Variants in EDRF1 observed in about 807,000 individuals in gnomAD.
EDRF1 encodes erythroid differentiation regulatory factor 1.
A neutral mutation model predicts 148.7 loss-of-function variants in EDRF1; 69 were observed. The observed-to-expected ratio is 0.46, with a 90% confidence interval of 0.38 to 0.57. The LOEUF is 0.57. Among genes scored for constraint, EDRF1 ranks in the 20% least tolerant of loss-of-function variants. EDRF1 has a pLI of 0.00. For synonymous variants in EDRF1, 515 were observed against 532.8 expected (o/e 0.97, Z 0.46); for missense variants, 1,118 against 1,478.7 (o/e 0.76, Z 4.00).
Position 125,740,436 on chromosome 10 carries a change from G to T in EDRF1, c.1982-27G>T, listed in dbSNP as rs115991337. The T allele has an allele frequency of 7.1e-4, 1,148 of 1,610,268 alleles. 10 individuals are homozygous for T. The African/African-American group carries it at 0.014, about 20-fold the overall frequency. On this transcript the variant is annotated intron_variant, in intron 15 of 24. Coordinates refer to ENST00000356792, the MANE Select transcript of EDRF1 (RefSeq NM_001202438.2). Reference sequence around the variant, plus strand: ...GACTTACAGTCAAATGAAATGTGCTGTCTTTTTTTTTCTCTCCATGTCACA... The same window carrying T: ...GACTTACAGTCAAATGAAATGTGCTTTCTTTTTTTTTCTCTCCATGTCACA...
intron 21 of EDRF1, 164 bp from the exon 22 acceptor site, chr10:125,749,248 A>T (rs1849525614): frequency 5.0e-6 from 1 of 198,150 alleles, no homozygotes; most frequent in East Asian, 1.4e-4. Context: ...ACCCTGTCTC[A>T]AAAAAAAAAA....
chr10:125,729,771 A>G (rs940997888), intron 8 of EDRF1, among the ~76,000 whole-genome samples: 2 of 152,354 alleles, frequency 1.3e-5, no homozygotes, highest in African/African-American at 4.8e-5. Context: ...CTGAGTCTTC[A>G]TTCTAGACCT....
intron 6 of EDRF1, 127 bp downstream of exon 6, chr10:125,725,965 A>G (rs1467946513): frequency 3.8e-6 from 4 of 1,059,864 alleles, no homozygotes; most frequent in African/African-American, 1.6e-5. Context: ...AATGGGGGAA[A>G]AAAGACTTCT....
intron 15 of EDRF1, among the ~76,000 whole-genome samples, chr10:125,739,029 G>A (rs750041656): frequency 2.6e-5 from 4 of 151,992 alleles, no homozygotes; most frequent in African/African-American, 7.2e-5. Flanking sequence ...TATGGACTTC[G>A]AAGCAGAAGT....
intron 24 of EDRF1, chr10:125,756,754 T>C: frequency 2.6e-6 from 1 of 386,206 alleles, no homozygotes; most frequent in Non-Finnish European, 4.9e-6. Flanking sequence ...TATATTAAAA[T>C]TGGGTTTCCT....
At chr10:125,761,295 A>G in intron 24 of EDRF1, 1 of 332,840 alleles carries the variant, frequency 3.0e-6, no homozygotes, top group Non-Finnish European at 6.0e-6. Context: ...TTCTAGCAGT[A>G]GCAGTTTGTT....
intron 24 of EDRF1, 151 bp downstream of exon 24, chr10:125,753,996 A>G (rs1367326346): frequency 6.3e-6 from 5 of 799,564 alleles, no homozygotes; most frequent in Non-Finnish European, 8.0e-6. Flanking sequence ...CAGGCAGATC[A>G]CTTGAGTTCA....
At chr10:125,720,033 C>G in intron 1 of EDRF1, 118 bp downstream of exon 1, 4 of 863,854 alleles carry the variant, frequency 4.6e-6, no homozygotes, top group Middle Eastern at 2.3e-4. Flanking sequence ...TTCCCTGACA[C>G]CCCCAAAACA....
chr10:125,730,835 G>A (rs1316936311), intron 9 of EDRF1, among the ~76,000 whole-genome samples: 1 of 152,126 alleles, frequency 6.6e-6, no homozygotes, highest in Non-Finnish European at 1.5e-5. Flanking sequence ...TAGAAGACAC[G>A]TATCCCCATT....
At position 125,725,778 on chromosome 10, in the gene EDRF1, A is replaced by T. The variant is rs775544714; in HGVS notation, c.732A>T (p.Ser244=). The change falls in exon 6 of 25, where the codon TCA becomes TCT. Residue 244 remains serine, a synonymous_variant. Transcript: ENST00000356792. The stretch of plus-strand genomic sequence containing the variant: ...AGACAAATGATTCGGAAGGGGCTTC[A>T]TGGCCTGCTCCCTTCGAAATGCCTT... ...SDQTNDSEGA[S]WPAPFEMPSS... 10 of 1,613,986 alleles carry T rather than the reference A, an allele frequency of 6.2e-6. No homozygotes were observed. The African/African-American group carries it at 1.2e-4, about 19-fold the overall frequency.
chr10:125,743,353 GA>G (rs966786621), intron 18 of EDRF1, 77 bp downstream of exon 18: 1 of 1,202,992 alleles, frequency 8.3e-7, no homozygotes, highest in African/African-American at 1.5e-5. Flanking sequence ...GTCAAGCAAA[GA>G]ACTGTGGCAC....
chr10:125,733,819 A>G, intron 11 of EDRF1, 76 bp downstream of exon 11: 1 of 1,370,990 alleles, frequency 7.3e-7, no homozygotes, highest in Non-Finnish European at 1.0e-6. Context: ...ACAGTTTCCA[A>G]ACCAAGGCTT....
intron 24 of EDRF1, among the ~76,000 whole-genome samples, chr10:125,758,964 C>T (rs1301490477): frequency 6.6e-6 from 1 of 152,084 alleles, no homozygotes; most frequent in South Asian, 2.1e-4. Context: ...TAACCAACGC[C>T]CTAAGGTTGG....
chr10:125,736,079 G>A (rs1458203976), intron 13 of EDRF1, among the ~76,000 whole-genome samples, 175 bp downstream of exon 13: 1 of 152,138 alleles, frequency 6.6e-6, no homozygotes, highest in Non-Finnish European at 1.5e-5. Context: ...GAGGGTAACT[G>A]ACCCACATTA....
At chr10:125,743,852 G>A (rs769949460) in intron 18 of EDRF1, among the ~76,000 whole-genome samples, 1 of 152,162 alleles carries the variant, frequency 6.6e-6, no homozygotes, top group Non-Finnish European at 1.5e-5. Context: ...TTTAGAGGGA[G>A]CAAGAGGCCT....
chr10:125,727,891 A>G (rs552979710), intron 6 of EDRF1, among the ~76,000 whole-genome samples: 1 of 152,154 alleles, frequency 6.6e-6, no homozygotes, highest in Non-Finnish European at 1.5e-5. Flanking sequence ...AAGAGGGCCC[A>G]AGTGTATTCC....
intron 12 of EDRF1, among the ~76,000 whole-genome samples, chr10:125,734,802 T>C (rs1386112451): frequency 5.3e-5 from 8 of 152,304 alleles, no homozygotes; most frequent in East Asian, 1.9e-4. Flanking sequence ...GGTTGTCTGA[T>C]TGACAACTTT....
In EDRF1 at chr10:125,753,439, A is replaced by G. The variant is rs112468176; in HGVS notation, c.3394-255A>G. Reference sequence around the variant, plus strand: ...CCTGCTTGGTCAAATCCTGTGTGGTACCGTACATTTCTGCGTTGTGTCTAA... The same window carrying G: ...CCTGCTTGGTCAAATCCTGTGTGGTGCCGTACATTTCTGCGTTGTGTCTAA... On this transcript the variant is annotated intron_variant, in intron 23 of 24. Transcript: ENST00000356792. Among the ~76,000 whole-genome samples the G allele has an allele frequency of 5.1e-4, 78 of 152,310 alleles. 1 individual carries two copies. Among genetic ancestry groups the G allele is most frequent in the African/African-American group, 1.8e-3 (76 of 41,572 alleles).
rs1200624669 is a variant in EDRF1, at chr10:125,747,997, C to T, written c.3108C>T (p.Ser1036=). The T allele has an allele frequency of 6.2e-7, 1 of 1,614,202 alleles. No homozygotes were observed. Among genetic ancestry groups the T allele is most frequent in the Admixed American group, 1.7e-5 (1 of 60,038 alleles). The change falls in exon 21 of 25, where the codon AGC becomes AGT. Residue 1036 remains serine (S), a synonymous_variant. Coordinates refer to ENST00000356792, the MANE Select transcript of EDRF1 (RefSeq NM_001202438.2). ...ACAGGCTGGCCTCCATGTACCACAGCTGTCTGAGGAATCAGGTATTGTCAG... is the reference window on the plus strand; with the variant it reads ...ACAGGCTGGCCTCCATGTACCACAGTTGTCTGAGGAATCAGGTATTGTCAG... ...IHHRLASMYH[S]CLRNQVGDEH...
Sources: gnomAD v4.1 joint callset for allele counts (sites outside exome capture counted in the v4.1 genomes callset) on GRCh38, gnomAD v4.1.1 for gene constraint, MANE v1.5 for transcripts, NCBI Gene and HGNC (gene_info 2026-07-23, HGNC 2026-07-21) for gene names.